The following C16orf74 variants were observed in gnomAD, a reference collection of about 807,000 sequenced individuals.
C16orf74 encodes uncharacterized protein C16orf74.
In C16orf74, 10 loss-of-function variants were observed where a neutral mutation model predicts 6.5. The observed-to-expected ratio is 1.54, with a 90% CI of 0.95 to 2.61. C16orf74 has a LOEUF of 2.61. C16orf74 is among the 30% of genes most tolerant of loss of function. C16orf74 has a pLI of 0.00. For missense variants in C16orf74, 141 were observed against 105.9 expected (o/e 1.33, Z -1.45); for synonymous variants, 60 against 42.5 (o/e 1.41, Z -1.60).
intron 2 of C16orf74, among the ~76,000 whole-genome samples, chr16:85,723,172 A>G (rs1598790304): frequency 6.6e-6 from 1 of 151,782 alleles, no homozygotes; most frequent in African/African-American, 2.4e-5. Context: ...AGGCAGGAGA[A>G]TCACTTGAAC....
intron 3 of C16orf74, among the ~76,000 whole-genome samples, chr16:85,709,118 G>T (rs2053941921): frequency 6.6e-6 from 1 of 152,202 alleles, no homozygotes; most frequent in South Asian, 2.1e-4. Flanking sequence ...ACTTTGGGAG[G>T]CCCAGGTGGG....
intron 1 of C16orf74, chr16:85,743,469 C>T (rs548572338): frequency 2.6e-5 from 4 of 152,282 alleles, no homozygotes; most frequent in South Asian, 2.1e-4. Flanking sequence ...TGTCCAGCGA[C>T]TCCCAGCACC....
At chr16:85,712,710 C>A (rs565196902) in intron 2 of C16orf74, among the ~76,000 whole-genome samples, 1 of 152,352 alleles carries the variant, frequency 6.6e-6, no homozygotes, top group South Asian at 2.1e-4. Context: ...AGCTGTGTGA[C>A]CCTGCGTGCA....
chr16:85,710,030 C>G, intron 3 of C16orf74, 134 bp downstream of exon 3: 1 of 709,864 alleles, frequency 1.4e-6, no homozygotes, highest in Non-Finnish European at 2.1e-6. Flanking sequence ...CAGGTCTGAC[C>G]ATAAATGTTT....
intron 1 of C16orf74, among the ~76,000 whole-genome samples, chr16:85,740,681 G>C (rs1458424595): frequency 8.8e-6 from 1 of 113,356 alleles, no homozygotes; most frequent in African/African-American, 3.4e-5. Context: ...CACAGAGCGA[G>C]ACTCTGTTTC....
chr16:85,747,282 C>T (rs1006867541), intron 1 of C16orf74, among the ~76,000 whole-genome samples: 2 of 152,146 alleles, frequency 1.3e-5, no homozygotes, highest in Non-Finnish European at 2.9e-5. Context: ...GAAATCCTGT[C>T]TCCACAGAAA....
chr16:85,729,465 C>T (rs1182931083), intron 2 of C16orf74, among the ~76,000 whole-genome samples: 1 of 152,224 alleles, frequency 6.6e-6, no homozygotes, highest in South Asian at 2.1e-4. Context: ...ATCTACCACC[C>T]TTGGGCAGAG....
At chr16:85,747,006 C>A (rs1467591403) in intron 1 of C16orf74, among the ~76,000 whole-genome samples, 1 of 152,152 alleles carries the variant, frequency 6.6e-6, no homozygotes, top group Non-Finnish European at 1.5e-5. Flanking sequence ...AGGACCTCCA[C>A]CTGGCCCACA....
chr16:85,740,691 C>CA (rs59658163), intron 1 of C16orf74, among the ~76,000 whole-genome samples: 5 of 131,012 alleles, frequency 3.8e-5, no homozygotes, highest in African/African-American at 1.4e-4. Flanking sequence ...GACTCTGTTT[C>CA]AAAAAAAAAA....
intron 2 of C16orf74, among the ~76,000 whole-genome samples, chr16:85,717,102 G>C (rs183644899): frequency 6.6e-6 from 1 of 152,184 alleles, no homozygotes; most frequent in African/African-American, 2.4e-5. Flanking sequence ...CCCGCTCTGC[G>C]GCCATGCACT....
At position 85,735,470 on chromosome 16, in the gene C16orf74, G is replaced by A. The variant is rs77108100; in HGVS notation, c.-18-235C>T. Among the ~76,000 whole-genome samples the A allele has an allele frequency of 1.9e-3, 295 of 152,332 alleles. 3 individuals are homozygous for A. The highest frequency in any genetic ancestry group is 6.3e-3 in the African/African-American group (263 of 41,580). ...CGGGTGCCTCAAAGTTAAATATACA[G>A]GAAGCCAAGGCGGCGTCTGCAGCCC... On this transcript the variant is annotated intron_variant, in intron 1 of 3. Transcript: ENST00000284245.
rs559630876 is a variant in C16orf74 at position 85,718,498 on chromosome 16, G to C, written c.29-8191C>G. Among the ~76,000 whole-genome samples the C allele has an allele frequency of 5.5e-4, 84 of 152,326 alleles. 2 individuals are homozygous for C. In the South Asian group the frequency reaches 0.017, roughly 30 times the overall value. ...CTCCAGCCTGTCGGACCCACGATGC[G>C]ATGGACGGCCAGACGGCCCACCTGG... is the stretch of plus-strand genomic sequence containing the variant. On this transcript the variant is annotated intron_variant, in intron 2 of 3. Transcript: ENST00000284245.
intron 3 of C16orf74, among the ~76,000 whole-genome samples, chr16:85,708,380 T>C (rs1343547184): frequency 1.3e-5 from 2 of 152,172 alleles, no homozygotes; most frequent in African/African-American, 4.8e-5. Flanking sequence ...TCCCATTTTA[T>C]AGGTGAGGAC....
intron 2 of C16orf74, among the ~76,000 whole-genome samples, chr16:85,733,049 C>A (rs531890572): frequency 6.6e-6 from 1 of 152,282 alleles, no homozygotes; most frequent in South Asian, 2.1e-4. Flanking sequence ...TGATCAAGTC[C>A]CGGCCTTGGG....
intron 1 of C16orf74, among the ~76,000 whole-genome samples, chr16:85,746,574 T>C (rs2152067218): frequency 6.6e-6 from 1 of 152,224 alleles, no homozygotes; most frequent in East Asian, 1.9e-4. Context: ...TGAGTCACGG[T>C]GGCACCTTGC....
At chr16:85,746,272 C>G (rs1049464295) in intron 1 of C16orf74, among the ~76,000 whole-genome samples, 37 of 152,200 alleles carry the variant, frequency 2.4e-4, no homozygotes, top group African/African-American at 8.2e-4. Context: ...ATCGCTTGAA[C>G]TTGGGAGACA....
chr16:85,736,970 T>C (rs1282938860), intron 1 of C16orf74, among the ~76,000 whole-genome samples: 2 of 151,508 alleles, frequency 1.3e-5, no homozygotes, highest in African/African-American at 4.9e-5. Flanking sequence ...CTTGAACCCG[T>C]AGGTGGAGGT....
intron 2 of C16orf74, among the ~76,000 whole-genome samples, chr16:85,728,693 T>G (rs1598795215): frequency 6.6e-6 from 1 of 152,160 alleles, no homozygotes; most frequent in Non-Finnish European, 1.5e-5. Flanking sequence ...GCTCCTTGGG[T>G]GCCATCTTTA....
At chr16:85,714,378 ATTATTTAT>A (rs1199551334) in intron 2 of C16orf74, among the ~76,000 whole-genome samples, 6 of 142,164 alleles carry the variant, frequency 4.2e-5, no homozygotes, top group Middle Eastern at 3.3e-3. Flanking sequence ...TGGAAGACCT[ATTATTTAT>A]TTATTTATTT....
Sources: gnomAD v4.1 joint callset for allele counts (sites outside exome capture counted in the v4.1 genomes callset) on GRCh38, gnomAD v4.1.1 for gene constraint, MANE v1.5 for transcripts, NCBI Gene and HGNC (gene_info 2026-07-23, HGNC 2026-07-21) for gene names.